Variants in FIBCD1 observed in about 807,000 individuals in gnomAD.
The protein encoded by FIBCD1 is fibrinogen C domain containing 1.
FIBCD1 carries 47 observed loss-of-function variants against 45.1 expected under a neutral mutation model. The observed-to-expected ratio is 1.04, with a 90% CI of 0.82 to 1.33. The LOEUF (loss-of-function observed/expected upper bound fraction) is 1.33, where lower values mean the gene tolerates loss of function less well. Among genes scored for constraint, FIBCD1 ranks in the 40% most tolerant of loss-of-function variants. The pLI is 0.00. For synonymous variants in FIBCD1, 313 were observed against 308.1 expected (o/e 1.02, Z -0.17); for missense variants, 653 against 682.2 (o/e 0.96, Z 0.48).
At chr9:130,915,923 C>A (rs1019099646) in intron 4 of FIBCD1, among the ~76,000 whole-genome samples, 3 of 151,186 alleles carry the variant, frequency 2.0e-5, no homozygotes, top group Non-Finnish European at 4.4e-5. Flanking sequence ...TGCAGAAGGA[C>A]GTGCATAGAT....
At chr9:130,913,630 G>A (rs1832106455) in intron 4 of FIBCD1, among the ~76,000 whole-genome samples, 1 of 152,212 alleles carries the variant, frequency 6.6e-6, no homozygotes, top group Non-Finnish European at 1.5e-5. Flanking sequence ...CCGGCTCGGG[G>A]TGGAAGGAAA....
chr9:130,920,667 C>T (rs904788720), intron 4 of FIBCD1, among the ~76,000 whole-genome samples: 3 of 152,044 alleles, frequency 2.0e-5, no homozygotes, highest in Non-Finnish European at 4.4e-5. Context: ...GACCACCTGC[C>T]GCCTCCCCTG....
At chr9:130,918,922 G>A (rs1832211372) in intron 4 of FIBCD1, among the ~76,000 whole-genome samples, 1 of 152,196 alleles carries the variant, frequency 6.6e-6, no homozygotes, top group Non-Finnish European at 1.5e-5. Context: ...AACGGACGGC[G>A]CACAGTAGGC....
chr9:130,924,160 A>T (rs967334436), intron 3 of FIBCD1, 77 bp downstream of exon 3: 2 of 1,456,286 alleles, frequency 1.4e-6, no homozygotes, highest in Admixed American at 2.5e-5. Flanking sequence ...ATGGCTGGGG[A>T]ACCCTCACCC....
rs1352227190 is a variant in FIBCD1 at position 130,905,276 on chromosome 9, C to T, written c.1084G>A (p.Asp362Asn). ...TCAGCCACGGTGAGCGGGTACCCGT[C>T]TTCCTCAGGGTCCACGGAGAACAAG... Reference protein sequence around the residue: ...VGLFSVDPEEDGYPLTVADYS... With the variant: ...VGLFSVDPEENGYPLTVADYS... Residue 362 changes from aspartate to asparagine, a missense_variant, in exon 6 of 7, where the codon GAC becomes AAC. Asp to Asn is a conservative substitution (Grantham distance 23). Transcript: ENST00000372338. 1.2e-6 allele frequency: 2 copies of T among 1,613,870 alleles called. No individual in the cohort carries two copies. The highest frequency in any genetic ancestry group is 2.2e-5 in the East Asian group (1 of 44,896).
At chr9:130,934,646 C>A (rs904420466) in intron 1 of FIBCD1, among the ~76,000 whole-genome samples, 4 of 152,190 alleles carry the variant, frequency 2.6e-5, no homozygotes, top group African/African-American at 9.6e-5. Flanking sequence ...ACAGCTCTGG[C>A]CTCCCAGAGG....
upstream of FIBCD1, among the ~76,000 whole-genome samples, chr9:130,939,619 C>A (rs1832583734): frequency 6.6e-6 from 1 of 152,002 alleles, no homozygotes; most frequent in African/African-American, 2.4e-5. Context: ...GCCGCCGGCG[C>A]TGTGGTCGCG....
Position 130,905,405 on chromosome 9 carries a change from T to C in FIBCD1, c.955A>G (p.Arg319Gly). The change falls in exon 6 of 7, where the codon AGG (arginine) becomes GGG (glycine). Residue 319 changes from arginine to glycine, a missense_variant. By Grantham distance (125) the Arg-to-Gly change is moderately radical (BLOSUM62 -2). Transcript: ENST00000372338. ...GCCTGTGTGGTCAGGGCGTGGATCC[T>C]CTTGAGCCCTGAAGTTGGGGGGAAA... ...LTGEHWLGLK[R>G]IHALTTQAAY... 1 of 1,609,540 alleles carries C rather than the reference T, an allele frequency of 6.2e-7. No individual in the cohort carries two copies.
intron 2 of FIBCD1, among the ~76,000 whole-genome samples, chr9:130,924,992 G>A (rs942366319): frequency 3.8e-4 from 58 of 152,154 alleles, no homozygotes; most frequent in Non-Finnish European, 1.0e-4. Context: ...TGCCTCTTCC[G>A]ATCCCGAGCA....
chr9:130,928,901 G>A (rs1008887283), intron 2 of FIBCD1, among the ~76,000 whole-genome samples: 1 of 150,540 alleles, frequency 6.6e-6, no homozygotes, highest in Non-Finnish European at 1.5e-5. Flanking sequence ...CTCATCCTAT[G>A]AAGGAGGAAC....
At chr9:130,917,326 A>C (rs1832181305) in intron 4 of FIBCD1, among the ~76,000 whole-genome samples, 1 of 152,216 alleles carries the variant, frequency 6.6e-6, no homozygotes, top group African/African-American at 2.4e-5. Context: ...GGATTCTCAG[A>C]AGCCCGCCGC....
At chr9:130,918,499 A>T (rs761083435) in intron 4 of FIBCD1, among the ~76,000 whole-genome samples, 2 of 152,224 alleles carry the variant, frequency 1.3e-5, no homozygotes, top group Non-Finnish European at 2.9e-5. Flanking sequence ...AACCAGTTAC[A>T]GACAGGACTG....
At chr9:130,927,849 C>CG (rs1375946050) in intron 2 of FIBCD1, among the ~76,000 whole-genome samples, 1 of 152,150 alleles carries the variant, frequency 6.6e-6, no homozygotes, top group African/African-American at 2.4e-5. Context: ...TTAGTCGAGA[C>CG]GGGGTTTCAC....
At chr9:130,931,417 G>A (rs780765132) in intron 1 of FIBCD1, among the ~76,000 whole-genome samples, 3 of 152,214 alleles carry the variant, frequency 2.0e-5, no homozygotes, top group Admixed American at 6.5e-5. Context: ...GCTGAGGCAC[G>A]AGAATTCCTT....
In FIBCD1 at chr9:130,924,321, C is replaced by A; in HGVS notation, c.628G>T (p.Asp210Tyr). The part of the protein sequence containing the change: ...VSDILDALQR[D>Y]RGLGRPRNKA... ...TTGCGGGGCCGGCCCAGCCCCCGGT[C>A]CCTCTGCAGGGCATCCAGGATGTCG... The change falls in exon 3 of 7, where the codon GAC becomes TAC. Residue 210 changes from aspartate (D) to tyrosine (Y), a missense_variant. Transcript: ENST00000372338. The A allele has an allele frequency of 6.2e-7, 1 of 1,607,240 alleles. No individual in the cohort carries two copies. The highest frequency in any genetic ancestry group is 1.7e-4 in the Middle Eastern group (1 of 6,052).
Position 130,904,242 on chromosome 9 carries a change from G to T in FIBCD1, c.1208C>A (p.Ala403Asp). The change falls in exon 7 of 7, where the codon GCC (alanine) becomes GAC (aspartate). Residue 403 changes from alanine to aspartate, a missense_variant. Ala to Asp is a moderately radical substitution (Grantham distance 126). Coordinates refer to ENST00000372338, the MANE Select transcript of FIBCD1 (RefSeq NM_032843.5). ...DSDHSENNCA[A>D]FYRGAWWYRN... ...GTACCACCAGGCACCGCGGTAGAAG[G>T]CGGCACAGTTGTTCTCTGAATGGTC... 6.2e-7 allele frequency: 1 copy of T among 1,613,770 alleles called. No homozygotes were observed. The highest frequency in any genetic ancestry group is 8.5e-7 in the Non-Finnish European group (1 of 1,180,004).
rs1327401186 is a variant in FIBCD1, at chr9:130,923,781, A to C, written c.812T>G (p.Val271Gly). 1 of 1,612,718 alleles carries C rather than the reference A, an allele frequency of 6.2e-7. No homozygotes were observed. The highest frequency in any genetic ancestry group is 1.7e-5 in the Admixed American group (1 of 60,014). ...FPTHYPAGFQ[V>G]YCDMRTDGGG... is the part of the protein sequence containing the mutation. ...GCCGTCCGTGCGCATGTCACAGTAC[A>C]CCTGGAAGCCGGCCGGGTAGTGGGT... Residue 271 changes from valine to glycine, a missense_variant, in exon 4 of 7, where the codon GTG becomes GGG. By Grantham distance (109) the Val-to-Gly change is moderately radical. Coordinates refer to ENST00000372338, the MANE Select transcript of FIBCD1 (RefSeq NM_032843.5).
intron 2 of FIBCD1, among the ~76,000 whole-genome samples, chr9:130,925,135 C>A (rs141787916): frequency 6.6e-6 from 1 of 152,290 alleles, no homozygotes; most frequent in African/African-American, 2.4e-5. Context: ...CCCCCACTCC[C>A]CATGCAAACA....
rs1832561331 is a variant in FIBCD1 at position 130,938,659 on chromosome 9, C to G, written c.-52G>C. 6.2e-6 allele frequency: 8 copies of G among 1,288,922 alleles called. No homozygotes were observed. Among genetic ancestry groups the G allele is most frequent in the Non-Finnish European group, 8.0e-6 (8 of 1,004,050 alleles). The allele number at this position is 1,288,922 out of a possible 1,614,324, so 79.8% of individuals were successfully genotyped here. A position where few individuals can be genotyped will look rare whatever the true frequency, so the allele number is the denominator to read the frequency against. The stretch of plus-strand genomic sequence containing the variant: ...GGGCGAGGCGCGCCGCTGCGGAGCG[C>G]AAAGGAGACGGGGTGGGCGCGGGCG... On this transcript the variant is annotated 5_prime_UTR_variant, in exon 1 of 7. Coordinates refer to ENST00000372338, the MANE Select transcript of FIBCD1 (RefSeq NM_032843.5).
Sources: allele counts gnomAD v4.1 joint callset (sites outside exome capture counted in the v4.1 genomes callset), GRCh38; gene constraint gnomAD v4.1.1; transcripts MANE v1.5; gene names NCBI Gene and HGNC (gene_info 2026-07-23, HGNC 2026-07-21).